The following TMPRSS9 variants were observed in gnomAD, a reference collection of about 807,000 sequenced individuals.
TMPRSS9 encodes the protein transmembrane protease serine 9.
Under a neutral mutation model 111.4 loss-of-function variants are expected in TMPRSS9, and 113 were observed. The ratio of observed to expected loss-of-function variants is 1.01; its 90% CI spans 0.87 to 1.19. TMPRSS9 has a LOEUF of 1.19. Among genes scored for constraint, TMPRSS9 ranks in the 50% most tolerant of loss-of-function variants. The pLI is 0.00. For synonymous variants in TMPRSS9, 805 were observed against 659.1 expected, an observed-to-expected ratio of 1.22 and a Z score of -3.39; for missense variants, 1,803 against 1,513.1, an observed-to-expected ratio of 1.19 and a Z score of -3.18.
exon 18 of TMPRSS9, chr19:2,425,935 TGGGGGA>T (rs753743242): frequency 3.1e-6 from 5 of 1,596,058 alleles, no homozygotes; most frequent in Non-Finnish European, 4.3e-6. Flanking sequence ...AGGGTGACGC[TGGGGGA>T]CCCCTGGCCT....
chr19:2,410,824 C>G (rs1264041663), intron 9 of TMPRSS9, among the ~76,000 whole-genome samples: 2 of 152,112 alleles, frequency 1.3e-5, no homozygotes, highest in Non-Finnish European at 2.9e-5. Flanking sequence ...AGACACTGTT[C>G]CCAGCACTGG....
rs540425364 is a variant in TMPRSS9, at chr19:2,396,734, G to T, written c.270+68G>T. Reference sequence around the variant, plus strand: ...TGGCCGGGGGCTTTGACCTGGAGGTGCTTTCCGTGTGGGAGGGAGGCAGGC... The same window carrying T: ...TGGCCGGGGGCTTTGACCTGGAGGTTCTTTCCGTGTGGGAGGGAGGCAGGC... On this transcript the variant is annotated intron_variant, in intron 2 of 17. Transcript: ENST00000648592. 21 of 1,531,378 alleles carry T rather than the reference G, an allele frequency of 1.4e-5. No homozygotes were observed. The African/African-American group carries it at 2.8e-4, about 21-fold the overall frequency. 94.9% of individuals were successfully genotyped at this position (1,531,378 alleles called of 1,614,324 possible). A position where few individuals can be genotyped will look rare whatever the true frequency, so the allele number is the denominator to read the frequency against.
At position 2,398,946 on chromosome 19, in the gene TMPRSS9, C is replaced by G. The variant is rs533036171; in HGVS notation, c.339-72C>G. The G allele has an allele frequency of 2.6e-6, 4 of 1,546,132 alleles. No individual in the cohort carries two copies. The African/African-American group carries it at 4.1e-5, about 16-fold the overall frequency. On this transcript the variant is annotated intron_variant, in intron 3 of 17. Transcript: ENST00000648592. ...GGAGTCCAGAAAAGTTTGGAAGATT[C>G]TAGAAGATTCCAGAAGATTCCAGCA...
intron 6 of TMPRSS9, among the ~76,000 whole-genome samples, chr19:2,404,889 G>A (rs1239584635): frequency 2.1e-5 from 3 of 143,868 alleles, no homozygotes; most frequent in African/African-American, 5.2e-5. Flanking sequence ...TTGAGATCAC[G>A]CCACTGCACT....
At chr19:2,421,875 G>C (rs1390219699) in exon 14 of TMPRSS9, 10 of 1,608,534 alleles carry the variant, frequency 6.2e-6, no homozygotes, top group Non-Finnish European at 8.5e-6. Flanking sequence ...GGGCCCCCTG[G>C]CCTGCGAGGA....
chr19:2,406,033 T>TG (rs1413929060), intron 7 of TMPRSS9, among the ~76,000 whole-genome samples: 1 of 119,262 alleles, frequency 8.4e-6, no homozygotes, highest in Non-Finnish European at 1.7e-5. Flanking sequence ...TTTTTTGAGA[T>TG]GGAGTCTCGC....
intron 9 of TMPRSS9, among the ~76,000 whole-genome samples, chr19:2,410,654 C>T (rs535313655): frequency 6.6e-6 from 1 of 152,248 alleles, no homozygotes; most frequent in East Asian, 1.9e-4. Context: ...AACCTGACTT[C>T]AATCCCTCCT....
intron 6 of TMPRSS9, among the ~76,000 whole-genome samples, chr19:2,403,542 C>A (rs577826609): frequency 2.0e-5 from 3 of 152,080 alleles, no homozygotes; most frequent in East Asian, 3.9e-4. Context: ...ATGTGAGCAA[C>A]GGAAAGAGAC....
At chr19:2,398,407 A>G (rs763227196) in intron 2 of TMPRSS9, among the ~76,000 whole-genome samples, 2 of 152,006 alleles carry the variant, frequency 1.3e-5, no homozygotes, top group Non-Finnish European at 2.9e-5. Context: ...TCACAAGGTC[A>G]GGAGTTCGAG....
At chr19:2,412,980 G>A (rs1971128128) in intron 9 of TMPRSS9, among the ~76,000 whole-genome samples, 1 of 152,060 alleles carries the variant, frequency 6.6e-6, no homozygotes, top group Admixed American at 6.6e-5. Context: ...GATCACTTAA[G>A]GTCAGGAGTT....
intron 1 of TMPRSS9, among the ~76,000 whole-genome samples, chr19:2,395,080 C>T (rs983050063): frequency 2.0e-5 from 3 of 151,876 alleles, no homozygotes; most frequent in Non-Finnish European, 2.9e-5. Context: ...CAGGAGTTCC[C>T]GACCAGCCTG....
chr19:2,416,363 A>C, intron 11 of TMPRSS9, 175 bp from the exon 13 acceptor site: 1 of 791,232 alleles, frequency 1.3e-6, no homozygotes, highest in Non-Finnish European at 1.9e-6. Context: ...TTTCAGGAGG[A>C]GCCCAGCAGC....
At chr19:2,397,301 A>AT (rs1302765659) in intron 2 of TMPRSS9, among the ~76,000 whole-genome samples, 1 of 147,750 alleles carries the variant, frequency 6.8e-6, no homozygotes, top group South Asian at 2.1e-4. Context: ...ATTTTATTTT[A>AT]TTTTTTTGAG....
At position 2,384,629 on chromosome 19, in the gene TMPRSS9, C is replaced by T. The variant is rs563533409; in HGVS notation, c.-25-5132C>T. On this transcript the variant is annotated intron_variant, in intron 1 of 17. Transcript: ENST00000649857. ...AGGAGATCGAGACCATCCTGGCTAACGTGGTGAAACCCCGTCTCTACTAAA... is the reference window on the plus strand; with the variant it reads ...AGGAGATCGAGACCATCCTGGCTAATGTGGTGAAACCCCGTCTCTACTAAA... 9.9e-5 allele frequency among the ~76,000 whole-genome samples: 15 copies of T among 151,718 alleles called. No homozygotes were observed. The South Asian group carries it at 1.9e-3, about 19-fold the overall frequency.
Position 2,416,518 on chromosome 19 carries a change from T to G in TMPRSS9, c.1746-20T>G. On this transcript the variant is annotated intron_variant, in intron 11 of 17. Coordinates refer to ENST00000648592, the Ensembl canonical transcript of TMPRSS9. The stretch of plus-strand genomic sequence containing the variant: ...GCATGTGCTGGAGGGCAGGCATGTC[T>G]GAGGGCCCTGTCTCCATAGCACGAA... 6.3e-7 allele frequency: 1 copy of G among 1,593,970 alleles called. No individual in the cohort carries two copies. The highest frequency in any genetic ancestry group is 8.5e-7 in the Non-Finnish European group (1 of 1,170,932).
intron 12 of TMPRSS9, 29 bp from the exon 14 acceptor site, chr19:2,417,973 C>T (rs200796187): frequency 8.2e-5 from 132 of 1,610,924 alleles, no homozygotes; most frequent in African/African-American, 1.6e-4. Flanking sequence ...TCACTGTGCA[C>T]GTGGCCTTTC....
intron 1 of TMPRSS9, among the ~76,000 whole-genome samples, chr19:2,367,561 ATTT>A (rs35468320): frequency 0.078 from 10,084 of 129,488 alleles, 693 homozygotes; most frequent in African/African-American, 0.19. Context: ...TGACTGGCTA[ATTT>A]TTTTTTTTTT....
At chr19:2,422,305 G>A in intron 14 of TMPRSS9, 58 bp downstream of exon 15, 1 of 1,473,074 alleles carries the variant, frequency 6.8e-7, no homozygotes, top group Non-Finnish European at 8.9e-7. Flanking sequence ...AATCAGCCTG[G>A]GCTGCCTAAC....
intron 7 of TMPRSS9, among the ~76,000 whole-genome samples, chr19:2,407,696 C>T (rs1354819576): frequency 6.8e-6 from 1 of 146,744 alleles, no homozygotes; most frequent in East Asian, 2.0e-4. Flanking sequence ...TAGCTCATGA[C>T]AGCCTCAACC....
Sources: allele counts gnomAD v4.1 joint callset (sites outside exome capture counted in the v4.1 genomes callset), GRCh38; gene constraint gnomAD v4.1.1; transcripts MANE v1.5; gene names NCBI Gene and HGNC (gene_info 2026-07-23, HGNC 2026-07-21).